Variants in PABPC4L observed in about 807,000 individuals in gnomAD.
PABPC4L encodes poly(A) binding protein cytoplasmic 4 like.
For synonymous variants in PABPC4L, 169 were observed against 164.1 expected, an observed-to-expected ratio of 1.03 and a Z score of -0.23; for missense variants, 452 against 451.4, an observed-to-expected ratio of 1.00 and a Z score of -0.01.
chr4:134,034,605 G>T, the PABPC4L span, among the ~76,000 whole-genome samples: 4 of 151,978 alleles, frequency 2.6e-5, no homozygotes, highest in African/African-American at 9.7e-5. Context: ...GGAAGAAGTT[G>T]ATTCCATCTC....
the PABPC4L span, among the ~76,000 whole-genome samples, chr4:134,064,284 G>T: frequency 6.6e-6 from 1 of 151,938 alleles, no homozygotes; most frequent in Non-Finnish European, 1.5e-5. Context: ...TCCCAAGTAG[G>T]ATTTATGAAA....
At chr4:134,084,021 G>C in the PABPC4L span, among the ~76,000 whole-genome samples, 2 of 151,974 alleles carry the variant, frequency 1.3e-5, no homozygotes, top group Non-Finnish European at 2.9e-5. Context: ...AAGAACACTA[G>C]AATTAATTTT....
At chr4:133,959,573 T>C in the PABPC4L span, among the ~76,000 whole-genome samples, 2 of 152,160 alleles carry the variant, frequency 1.3e-5, no homozygotes, top group African/African-American at 4.8e-5. Flanking sequence ...CAAAATAAAA[T>C]ACAAGATGGA....
the PABPC4L span, among the ~76,000 whole-genome samples, chr4:134,116,242 A>G: frequency 6.6e-6 from 1 of 151,808 alleles, no homozygotes; most frequent in Admixed American, 6.6e-5. Flanking sequence ...TGTTCAAAGA[A>G]GTTTACAATT....
the PABPC4L span, among the ~76,000 whole-genome samples, chr4:134,133,569 A>T: frequency 6.6e-6 from 1 of 151,428 alleles, no homozygotes; most frequent in African/African-American, 2.4e-5. Flanking sequence ...TTTTAAGCAA[A>T]GTACCTCAAG....
chr4:134,184,928 G>A, the PABPC4L span, among the ~76,000 whole-genome samples: 1 of 151,822 alleles, frequency 6.6e-6, no homozygotes, highest in Non-Finnish European at 1.5e-5. Flanking sequence ...TTATTTGTGA[G>A]TCTCTACTTA....
the PABPC4L span, among the ~76,000 whole-genome samples, chr4:133,970,812 A>G: frequency 6.6e-6 from 1 of 152,164 alleles, no homozygotes; most frequent in Non-Finnish European, 1.5e-5. Flanking sequence ...CCCTTCTGCT[A>G]TGTGAGGATG....
chr4:134,002,695 G>T, the PABPC4L span, among the ~76,000 whole-genome samples: 14 of 152,002 alleles, frequency 9.2e-5, no homozygotes, highest in African/African-American at 2.9e-4. Flanking sequence ...TAATACAAAT[G>T]ATTTCTTTGG....
chr4:134,065,919 T>C, the PABPC4L span, among the ~76,000 whole-genome samples: 4 of 152,020 alleles, frequency 2.6e-5, no homozygotes, highest in African/African-American at 9.7e-5. Flanking sequence ...ATCAGATGGT[T>C]ATAGGTGTGC....
the PABPC4L span, among the ~76,000 whole-genome samples, chr4:134,131,714 CAAAAAAAAAAA>C: frequency 1.1e-3 from 12 of 10,672 alleles, no homozygotes; most frequent in South Asian, 0.032. Context: ...CCTGTGAAAC[CAAAAAAAAAAA>C]AAAAAAAAAA....
chr4:134,049,278 C>A, the PABPC4L span, among the ~76,000 whole-genome samples: 2 of 152,032 alleles, frequency 1.3e-5, no homozygotes, highest in African/African-American at 4.8e-5. Flanking sequence ...AAAACTCACA[C>A]CAATAGTAGT....
chr4:134,106,958 T>C, the PABPC4L span, among the ~76,000 whole-genome samples: 1 of 151,490 alleles, frequency 6.6e-6, no homozygotes, highest in Non-Finnish European at 1.5e-5. Context: ...TTAACAATGC[T>C]TCTTTCAAGT....
chr4:133,974,955 T>C, the PABPC4L span, among the ~76,000 whole-genome samples: 1 of 152,132 alleles, frequency 6.6e-6, no homozygotes, highest in Non-Finnish European at 1.5e-5. Context: ...CTGATAAAGT[T>C]AACATAGACT....
the PABPC4L span, among the ~76,000 whole-genome samples, chr4:133,967,336 A>C: frequency 8.0e-4 from 122 of 152,224 alleles, no homozygotes; most frequent in African/African-American, 2.8e-3. Flanking sequence ...CAAACAAAAA[A>C]AGAATAAATA....
chr4:134,125,376 T>C, the PABPC4L span, among the ~76,000 whole-genome samples: 1 of 152,208 alleles, frequency 6.6e-6, no homozygotes, highest in Non-Finnish European at 1.5e-5. Flanking sequence ...GTTAGTTACA[T>C]ATGTATACAT....
chr4:133,998,989 C>G, the PABPC4L span, among the ~76,000 whole-genome samples: 2 of 151,784 alleles, frequency 1.3e-5, no homozygotes, highest in South Asian at 4.1e-4. Context: ...TAGAGGTGTC[C>G]ACCCTATACC....
In PABPC4L at chr4:134,199,769, A is replaced by C; in HGVS notation, c.*138T>G. 8.5e-7 allele frequency: 1 copy of C among 1,181,450 alleles called. No homozygotes were observed. Among genetic ancestry groups the C allele is most frequent in the Non-Finnish European group, 1.1e-6 (1 of 876,912 alleles). 73.2% of individuals were successfully genotyped at this position (1,181,450 alleles called of 1,614,324 possible). On this transcript the variant is annotated 3_prime_UTR_variant, in exon 2 of 2. Coordinates refer to ENST00000421491, the MANE Select transcript of PABPC4L (RefSeq NM_001114734.2). The stretch of plus-strand genomic sequence containing the variant: ...AAGAAAAAAAATGGCTTTGTATAAA[A>C]AACGTTTTATCATAAAGTTTACTAA...
chr4:133,976,301 C>T, the PABPC4L span, among the ~76,000 whole-genome samples: 1 of 152,158 alleles, frequency 6.6e-6, no homozygotes, highest in African/African-American at 2.4e-5. Context: ...CTTTTTATGG[C>T]TGCATGGTAT....
the PABPC4L span, among the ~76,000 whole-genome samples, chr4:134,081,935 A>G: frequency 2.6e-5 from 4 of 152,212 alleles, no homozygotes; most frequent in African/African-American, 9.6e-5. Flanking sequence ...CTTAATAATA[A>G]TAGAAGAGTT....
Sources: allele counts gnomAD v4.1 joint callset (sites outside exome capture counted in the v4.1 genomes callset), GRCh38; gene constraint gnomAD v4.1.1; transcripts MANE v1.5; gene names NCBI Gene and HGNC (gene_info 2026-07-23, HGNC 2026-07-21).